Variants in PLA2G4A observed in about 807,000 individuals in gnomAD.
PLA2G4A encodes the protein cytosolic phospholipase A2.
A neutral mutation model predicts 81.9 loss-of-function variants in PLA2G4A; 40 were observed. The ratio of observed to expected loss-of-function variants is 0.49; its 90% CI spans 0.38 to 0.64. The LOEUF is 0.64. Ranked by LOEUF, PLA2G4A falls within the 30% of genes least tolerant of loss-of-function variation. PLA2G4A has a pLI of 0.00. For missense variants in PLA2G4A, 715 were observed against 905.1 expected, an observed-to-expected ratio of 0.79 and a Z score of 2.69; for synonymous variants, 302 against 296.9, an observed-to-expected ratio of 1.02 and a Z score of -0.18.
intron 2 of PLA2G4A, among the ~76,000 whole-genome samples, chr1:186,857,572 A>T (rs1652635655): frequency 6.9e-6 from 1 of 144,010 alleles, no homozygotes; most frequent in East Asian, 2.0e-4. Context: ...TAATATTAAT[A>T]TAAATATAAA....
At chr1:186,842,112 G>A (rs1214930221) in intron 1 of PLA2G4A, among the ~76,000 whole-genome samples, 2 of 149,782 alleles carry the variant, frequency 1.3e-5, no homozygotes, top group East Asian at 3.9e-4. Context: ...GCGTGATCTC[G>A]GCTCACTGCA....
At chr1:186,927,471 A>C (rs2383551) in intron 7 of PLA2G4A, among the ~76,000 whole-genome samples, 3 of 152,000 alleles carry the variant, frequency 2.0e-5, no homozygotes, top group Non-Finnish European at 4.4e-5. Flanking sequence ...AAATGTTACT[A>C]TCCAGTCTCT....
Position 186,939,119 on chromosome 1 carries a change from A to G in PLA2G4A, c.807A>G (p.Pro269=), listed in dbSNP as rs1286337383. 6.2e-7 allele frequency: 1 copy of G among 1,606,670 alleles called. No individual in the cohort carries two copies. Among genetic ancestry groups the G allele is most frequent in the South Asian group, 1.1e-5 (1 of 90,942 alleles). ...VSHNPLLLLT[P]QKVKRYVESL... ...ACAATCCCCTTTTACTTCTCACACC[A>G]CAGAAAGTTAAAAGATATGTTGAGT... Residue 269 remains proline, a synonymous_variant, in exon 9 of 18, where the codon CCA becomes CCG. Coordinates refer to ENST00000367466, the MANE Select transcript of PLA2G4A (RefSeq NM_024420.3).
chr1:186,935,087 A>G (rs1307856555), intron 8 of PLA2G4A, among the ~76,000 whole-genome samples: 2 of 152,012 alleles, frequency 1.3e-5, no homozygotes, highest in East Asian at 3.9e-4. Context: ...ATAGAGGAGA[A>G]TCAAGTAAAA....
At chr1:186,958,902 T>C (rs1043676857) in intron 14 of PLA2G4A, among the ~76,000 whole-genome samples, 9 of 152,180 alleles carry the variant, frequency 5.9e-5, no homozygotes, top group Non-Finnish European at 1.2e-4. Flanking sequence ...ATTTTAAATA[T>C]GTATATGGAT....
chr1:186,942,240 C>A (rs921473668), intron 10 of PLA2G4A, among the ~76,000 whole-genome samples: 1 of 152,080 alleles, frequency 6.6e-6, no homozygotes, highest in African/African-American at 2.4e-5. Context: ...AATGAAATTG[C>A]TTCCCCCCAG....
At chr1:186,831,216 A>T (rs1046439406) in intron 1 of PLA2G4A, among the ~76,000 whole-genome samples, 4 of 152,106 alleles carry the variant, frequency 2.6e-5, no homozygotes, top group Non-Finnish European at 1.5e-5. Flanking sequence ...TATTACATGA[A>T]AATGCAGTAT....
intron 1 of PLA2G4A, among the ~76,000 whole-genome samples, chr1:186,843,951 T>C (rs767567944): frequency 2.6e-5 from 4 of 152,214 alleles, no homozygotes; most frequent in Non-Finnish European, 4.4e-5. Context: ...ATTTGAAGAA[T>C]ACAAATTTGA....
intron 13 of PLA2G4A, among the ~76,000 whole-genome samples, chr1:186,951,464 C>T (rs1656559711): frequency 7.1e-6 from 1 of 141,260 alleles, no homozygotes; most frequent in Non-Finnish European, 1.6e-5. Flanking sequence ...AAAAAAAAGC[C>T]AACAAACAAA....
chr1:186,891,447 C>T (rs1246812268), intron 3 of PLA2G4A, among the ~76,000 whole-genome samples: 2 of 152,120 alleles, frequency 1.3e-5, no homozygotes, highest in Non-Finnish European at 2.9e-5. Context: ...CCCACCTCCC[C>T]TCCAGCCCCC....
intron 2 of PLA2G4A, among the ~76,000 whole-genome samples, chr1:186,869,551 T>G (rs1653163529): frequency 6.6e-6 from 1 of 152,184 alleles, no homozygotes; most frequent in Non-Finnish European, 1.5e-5. Context: ...GTCTACACTT[T>G]TGACAATTTT....
intron 12 of PLA2G4A, 119 bp downstream of exon 12, chr1:186,947,080 A>G (rs1571430531): frequency 6.1e-6 from 4 of 658,448 alleles, no homozygotes; most frequent in Non-Finnish European, 1.1e-5. Flanking sequence ...ATTTATTAAT[A>G]ATTTGGTTGA....
At chr1:186,875,777 T>C (rs150611070) in intron 3 of PLA2G4A, among the ~76,000 whole-genome samples, 126 of 152,228 alleles carry the variant, frequency 8.3e-4, no homozygotes, top group African/African-American at 2.7e-3. Context: ...GGTAAAATAC[T>C]GTTTTATTCT....
Position 186,878,564 on chromosome 1 carries a change from C to T in PLA2G4A, c.115+8048C>T, listed in dbSNP as rs898613203. 7.3e-5 allele frequency among the ~76,000 whole-genome samples: 11 copies of T among 151,704 alleles called. No individual in the cohort carries two copies. The Admixed American group carries it at 7.3e-4, about 10-fold the overall frequency. ...AAAGTGTTTCATAACGCATGTCTCT[C>T]TCACATCTCTTATCTTGTCTTTTCT... On this transcript the variant is annotated intron_variant, in intron 3 of 17. Coordinates refer to ENST00000367466, the MANE Select transcript of PLA2G4A (RefSeq NM_024420.3).
At chr1:186,983,857 T>C (rs757469013) in intron 17 of PLA2G4A, among the ~76,000 whole-genome samples, 3 of 152,164 alleles carry the variant, frequency 2.0e-5, no homozygotes, top group African/African-American at 7.2e-5. Flanking sequence ...GCATATTGGT[T>C]AACCTTTCTA....
chr1:186,962,494 A>AT (rs1656987956), intron 14 of PLA2G4A, among the ~76,000 whole-genome samples: 17 of 103,186 alleles, frequency 1.6e-4, no homozygotes, highest in Non-Finnish European at 2.7e-4. Context: ...TATTTTATTT[A>AT]TTTATTTATT....
intron 4 of PLA2G4A, among the ~76,000 whole-genome samples, chr1:186,893,651 C>T (rs752128195): frequency 1.4e-3 from 218 of 151,952 alleles, no homozygotes; most frequent in Non-Finnish European, 2.0e-3. Context: ...AAAGATTGGC[C>T]GGGCACTGTG....
intron 15 of PLA2G4A, among the ~76,000 whole-genome samples, chr1:186,973,419 A>G (rs547008480): frequency 1.1e-4 from 17 of 152,304 alleles, no homozygotes; most frequent in Admixed American, 8.5e-4. Context: ...ATCCAAGATG[A>G]TCTAATCTCA....
intron 5 of PLA2G4A, among the ~76,000 whole-genome samples, chr1:186,902,497 TACC>T (rs1654580391): frequency 6.6e-6 from 1 of 152,096 alleles, no homozygotes; most frequent in Non-Finnish European, 1.5e-5. Context: ...TATCTCTCCA[TACC>T]ACCCCCCAAA....
Sources: allele counts gnomAD v4.1 joint callset (sites outside exome capture counted in the v4.1 genomes callset), GRCh38; gene constraint gnomAD v4.1.1; transcripts MANE v1.5; gene names NCBI Gene and HGNC (gene_info 2026-07-23, HGNC 2026-07-21).